The following RBM19 variants were observed in gnomAD, a reference collection of about 807,000 sequenced individuals.
The protein encoded by RBM19 is RNA binding motif protein 19, also known as probable RNA-binding protein 19.
A neutral mutation model predicts 116.8 loss-of-function variants in RBM19; 94 were observed. The ratio of observed to expected loss-of-function variants is 0.80; its 90% CI spans 0.68 to 0.95. RBM19 has a LOEUF of 0.95. RBM19 is among the 40% of genes least tolerant of loss of function. RBM19 has a pLI of 0.00. For missense variants in RBM19, 1,161 were observed against 1,220.7 expected (o/e 0.95, Z 0.73); for synonymous variants, 475 against 494.1 (o/e 0.96, Z 0.51).
At chr12:113,941,058 G>A (rs1870529527) in intron 14 of RBM19, among the ~76,000 whole-genome samples, 1 of 152,210 alleles carries the variant, frequency 6.6e-6, no homozygotes, top group Non-Finnish European at 1.5e-5. Flanking sequence ...CTAGGCATAT[G>A]GCCTATCTGG....
At chr12:113,860,906 T>C (rs930211682) in intron 21 of RBM19, among the ~76,000 whole-genome samples, 2 of 152,118 alleles carry the variant, frequency 1.3e-5, no homozygotes, top group African/African-American at 4.8e-5. Flanking sequence ...TTGGAACGAA[T>C]AAACAAGCAA....
Position 113,941,746 on chromosome 12 carries a change from G to C in RBM19, c.1737+578C>G, listed in dbSNP as rs143111454. Among the ~76,000 whole-genome samples the C allele has an allele frequency of 6.2e-4, 95 of 152,226 alleles. 1 individual carries two copies. The East Asian group carries it at 0.014, about 22-fold the overall frequency. ...ATCTTGAGGTAAAAATGTGAGGCCT[G>C]GGAAGGCTGTTGAAAGGGCTGTTTT... On this transcript the variant is annotated intron_variant, in intron 14 of 23. Coordinates refer to ENST00000261741, the MANE Select transcript of RBM19 (RefSeq NM_016196.4).
At chr12:113,909,082 TAGTC>T (rs1165440617) in intron 21 of RBM19, among the ~76,000 whole-genome samples, 1 of 152,134 alleles carries the variant, frequency 6.6e-6, no homozygotes, top group African/African-American at 2.4e-5. Context: ...GGTCAGGAGT[TAGTC>T]AGTGGAAGAG....
intron 3 of RBM19, 43 bp downstream of exon 3, chr12:113,960,016 C>T: frequency 6.2e-7 from 1 of 1,614,042 alleles, no homozygotes; most frequent in Non-Finnish European, 8.5e-7. Context: ...AGTGACTACC[C>T]TGCTGGCAGT....
At chr12:113,883,220 G>A (rs566799421) in intron 21 of RBM19, among the ~76,000 whole-genome samples, 5 of 152,382 alleles carry the variant, frequency 3.3e-5, no homozygotes, top group Admixed American at 3.3e-4. Flanking sequence ...CAGAGTGACA[G>A]TGACAGTAGG....
chr12:113,922,513 G>A (rs1206633037), intron 18 of RBM19, among the ~76,000 whole-genome samples: 1 of 152,120 alleles, frequency 6.6e-6, no homozygotes, highest in Admixed American at 6.5e-5. Context: ...GCCCCACAGA[G>A]CATCTGACTG....
intron 16 of RBM19, 133 bp downstream of exon 16, chr12:113,936,874 A>C (rs1488474250): frequency 8.3e-7 from 1 of 1,201,142 alleles, no homozygotes; most frequent in East Asian, 2.4e-5. Context: ...TGAGAGTCTG[A>C]GCCCTGCTGG....
intron 21 of RBM19, among the ~76,000 whole-genome samples, chr12:113,912,471 G>A (rs1593573879): frequency 6.6e-6 from 1 of 152,220 alleles, no homozygotes; most frequent in African/African-American, 2.4e-5. Flanking sequence ...GTGGCTCCAA[G>A]CCGGGGCTCT....
chr12:113,946,291 G>A, intron 12 of RBM19, 63 bp downstream of exon 12: 1 of 1,610,926 alleles, frequency 6.2e-7, no homozygotes, highest in South Asian at 1.1e-5. Flanking sequence ...GGCTTAGAAA[G>A]GGCAGGGTGA....
At chr12:113,830,087 C>T (rs1033766270) in intron 23 of RBM19, among the ~76,000 whole-genome samples, 1 of 152,220 alleles carries the variant, frequency 6.6e-6, no homozygotes, top group African/African-American at 2.4e-5. Context: ...GGACCTTGAG[C>T]TCAGATAGGG....
chr12:113,877,991 A>C (rs903097283), intron 21 of RBM19, among the ~76,000 whole-genome samples: 1 of 152,208 alleles, frequency 6.6e-6, no homozygotes, highest in African/African-American at 2.4e-5. Flanking sequence ...TATTTGGGGT[A>C]AATACAATTT....
chr12:113,840,766 A>C (rs980437309), intron 23 of RBM19, among the ~76,000 whole-genome samples: 2 of 152,022 alleles, frequency 1.3e-5, no homozygotes, highest in African/African-American at 4.8e-5. Flanking sequence ...AGCTGCTCCT[A>C]GGCTCCTGTC....
chr12:113,940,788 C>G lies in RBM19; in HGVS notation c.1738-628G>C, dbSNP rs184510490. Among the ~76,000 whole-genome samples the G allele has an allele frequency of 3.3e-3, 507 of 152,350 alleles. 2 individuals carry two copies. Among genetic ancestry groups the G allele is most frequent in the Non-Finnish European group, 5.3e-3 (358 of 68,044 alleles). On this transcript the variant is annotated intron_variant, in intron 14 of 23. Transcript: ENST00000261741. ...AAACTGTTTGCCCTTGAATCCTTGT[C>G]TCAGAATCTGCTTCTGGGAGAACCA...
Position 113,832,195 on chromosome 12 carries a change from C to CTT in RBM19, c.2786-8876_2786-8875dup, listed in dbSNP as rs11410268. ...CACAAAAAGTTATCATTTCTTTTTT[C>CTT]TTTTTTTTTTTTTAGACTAAGTCTC... On this transcript the variant is annotated intron_variant, in intron 23 of 23. Transcript: ENST00000261741. Among the ~76,000 whole-genome samples the CTT allele has an allele frequency of 4.7e-3, 679 of 145,272 alleles. 8 individuals carry two copies. Among genetic ancestry groups the CTT allele is most frequent in the African/African-American group, 0.015 (611 of 39,722 alleles).
At chr12:113,952,819 C>A (rs923201624) in intron 7 of RBM19, among the ~76,000 whole-genome samples, 3 of 152,104 alleles carry the variant, frequency 2.0e-5, no homozygotes, top group African/African-American at 7.2e-5. Context: ...TCACTATCAG[C>A]GTTAAAATAG....
intron 22 of RBM19, among the ~76,000 whole-genome samples, chr12:113,849,520 A>T (rs1173909781): frequency 6.6e-6 from 1 of 152,242 alleles, no homozygotes; most frequent in Non-Finnish European, 1.5e-5. Flanking sequence ...GCAGTGCCTG[A>T]CCATCCAGAC....
chr12:113,934,289 C>T (rs187400772), intron 16 of RBM19, among the ~76,000 whole-genome samples: 9 of 152,364 alleles, frequency 5.9e-5, no homozygotes, highest in Admixed American at 3.9e-4. Context: ...CATCCCACCA[C>T]GCCCTCAGAG....
intron 21 of RBM19, among the ~76,000 whole-genome samples, chr12:113,861,513 T>TGTGTGTGTGTGTGTGTGA (rs1320114571): frequency 2.8e-5 from 4 of 143,878 alleles, no homozygotes; most frequent in East Asian, 4.1e-4. Context: ...TGTGTGTGTG[T>TGTGTGTGTGTGTGTGTGA]GAAGGAGAGA....
At chr12:113,910,633 G>A (rs1442824852) in intron 21 of RBM19, among the ~76,000 whole-genome samples, 1 of 152,192 alleles carries the variant, frequency 6.6e-6, no homozygotes, top group African/African-American at 2.4e-5. Flanking sequence ...GTTACTGTCT[G>A]TACCCTAGTT....
Sources: allele counts gnomAD v4.1 joint callset (sites outside exome capture counted in the v4.1 genomes callset), GRCh38; gene constraint gnomAD v4.1.1; transcripts MANE v1.5; gene names NCBI Gene and HGNC (gene_info 2026-07-23, HGNC 2026-07-21).